Variants in RTN1 observed in about 807,000 individuals in gnomAD.
RTN1 encodes reticulon-1.
In RTN1, 25 loss-of-function variants were observed where a neutral mutation model predicts 65.5. The observed-to-expected ratio is 0.38, with a 90% CI of 0.28 to 0.53. The LOEUF (loss-of-function observed/expected upper bound fraction) is 0.53, where lower values mean the gene tolerates loss of function less well. RTN1 is among the 20% of genes least tolerant of loss of function. The probability of loss-of-function intolerance (pLI) is 0.79; values close to 1 mark genes in which losing one functional copy is unlikely to be tolerated. For missense variants in RTN1, 983 were observed against 1,025.4 expected (o/e 0.96, Z 0.57); for synonymous variants, 471 against 447.6 (o/e 1.05, Z -0.66).
chr14:59,709,992 C>G (rs1884381248), intron 3 of RTN1, among the ~76,000 whole-genome samples: 1 of 141,336 alleles, frequency 7.1e-6, no homozygotes, highest in African/African-American at 2.5e-5. Context: ...TCCCTTCCTT[C>G]CTTCCTTCGT....
chr14:59,766,433 T>C lies in RTN1; in HGVS notation c.242-19952A>G, dbSNP rs1186937002. Among the ~76,000 whole-genome samples, 1 of 152,146 alleles carries C rather than the reference T, an allele frequency of 6.6e-6. No individual in the cohort carries two copies. Among genetic ancestry groups the C allele is most frequent in the Non-Finnish European group, 1.5e-5 (1 of 68,026 alleles). The stretch of plus-strand genomic sequence containing the variant: ...TTTTATTATTTTTGCCCCAAACTCA[T>C]ATATATTGTTCAACGTATTATTTTC... On this transcript the variant is annotated intron_variant, in intron 1 of 8. Transcript: ENST00000267484. The surrounding 1 kb of genome is among the most constrained non-coding windows in gnomAD (Gnocchi z 4.4).
In RTN1 at chr14:59,825,455, T is replaced by C. The variant is rs8181956; in HGVS notation, c.241+44935A>G. On this transcript the variant is annotated intron_variant, in intron 1 of 8. Coordinates refer to ENST00000267484, the MANE Select transcript of RTN1 (RefSeq NM_021136.3). This position sits in a 1 kb window ranked among gnomAD's most constrained non-coding sequence, Gnocchi z 4.2. Reference sequence around the variant, plus strand: ...AGGGAAAGTTGCTATAAAATAGTTTTAAAAATAGTTACAATGTGTTTTCTG... The same window carrying C: ...AGGGAAAGTTGCTATAAAATAGTTTCAAAAATAGTTACAATGTGTTTTCTG... Among the ~76,000 whole-genome samples the C allele has an allele frequency of 6.6e-6, 1 of 152,238 alleles. No individual in the cohort carries two copies.
At chr14:59,760,998 C>T (rs1390981055) in intron 1 of RTN1, among the ~76,000 whole-genome samples, 1 of 152,194 alleles carries the variant, frequency 6.6e-6, no homozygotes, top group Non-Finnish European at 1.5e-5. Flanking sequence ...CCTTGACTTA[C>T]ATTTCCTATT....
rs1216815324 is a variant in RTN1 at position 59,836,424 on chromosome 14, C to T, written c.241+33966G>A. On this transcript the variant is annotated intron_variant, in intron 1 of 8. Coordinates refer to ENST00000267484, the MANE Select transcript of RTN1 (RefSeq NM_021136.3). This position sits in a 1 kb window ranked among gnomAD's most constrained non-coding sequence, Gnocchi z 4.9. ...TCAGGCACAGAGAGATTAAGGAACT[C>T]CCCACATCACACAACTAATTTTTCC... Among the ~76,000 whole-genome samples, 2 of 152,204 alleles carry T rather than the reference C, an allele frequency of 1.3e-5. No individual in the cohort carries two copies. Among genetic ancestry groups the T allele is most frequent in the Non-Finnish European group, 2.9e-5 (2 of 68,034 alleles).
At chr14:59,827,483 A>C (rs1183320310) in intron 1 of RTN1, among the ~76,000 whole-genome samples, 1 of 151,814 alleles carries the variant, frequency 6.6e-6, no homozygotes, top group Non-Finnish European at 1.5e-5. Context: ...AGATCATTTT[A>C]TTTTGCCCAC....
At chr14:59,658,649 T>A (rs78725354) in intron 3 of RTN1, among the ~76,000 whole-genome samples, 1,697 of 152,190 alleles carry the variant, frequency 0.011, 27 homozygotes, top group African/African-American at 0.038. Context: ...AGGGGCCTGT[T>A]AGAAGGGAAG....
chr14:59,828,710 C>A (rs1345600858), intron 1 of RTN1, among the ~76,000 whole-genome samples: 1 of 152,170 alleles, frequency 6.6e-6, no homozygotes, highest in Non-Finnish European at 1.5e-5. Flanking sequence ...GGAACATGCA[C>A]TGCTGACTTC....
chr14:59,714,818 G>A (rs114983717), intron 3 of RTN1, among the ~76,000 whole-genome samples: 443 of 152,314 alleles, frequency 2.9e-3, no homozygotes, highest in African/African-American at 0.01. Context: ...GTACTGGTCC[G>A]TGGTCTGTTA....
At chr14:59,674,127 C>T (rs1883570342) in intron 3 of RTN1, among the ~76,000 whole-genome samples, 1 of 152,138 alleles carries the variant, frequency 6.6e-6, no homozygotes, top group African/African-American at 2.4e-5. Context: ...TTTCAATGTC[C>T]CTGTTTTCTA....
chr14:59,762,011 G>T (rs528513996), intron 1 of RTN1, among the ~76,000 whole-genome samples: 2 of 152,198 alleles, frequency 1.3e-5, no homozygotes, highest in Non-Finnish European at 2.9e-5. Context: ...GTGTGATGTG[G>T]TATGTGGTGT....
At chr14:59,725,343 AATGGAGACAC>A (rs1220384004) in intron 3 of RTN1, among the ~76,000 whole-genome samples, 2 of 152,212 alleles carry the variant, frequency 1.3e-5, no homozygotes, top group Non-Finnish European at 2.9e-5. Flanking sequence ...TAGGGGATAA[AATGGAGACAC>A]ATGCCTGTTA....
intron 3 of RTN1, among the ~76,000 whole-genome samples, chr14:59,664,548 C>A (rs910520337): frequency 6.6e-6 from 1 of 152,014 alleles, no homozygotes; most frequent in African/African-American, 2.4e-5. Flanking sequence ...TTAATAGAGT[C>A]TTGAGAAATA....
At chr14:59,713,234 C>T (rs187674179) in intron 3 of RTN1, among the ~76,000 whole-genome samples, 7 of 152,222 alleles carry the variant, frequency 4.6e-5, no homozygotes, top group East Asian at 1.9e-4. Context: ...CAAAACGATA[C>T]GGTGTCTTGA....
At chr14:59,630,833 G>C in intron 3 of RTN1, 1 of 1,008,672 alleles carries the variant, frequency 9.9e-7, no homozygotes, top group South Asian at 4.7e-5. Flanking sequence ...AGGCGCTGAC[G>C]CGGACAGTGG....
chr14:59,719,983 A>G (rs141280224), intron 3 of RTN1, among the ~76,000 whole-genome samples: 180 of 152,302 alleles, frequency 1.2e-3, no homozygotes, highest in Non-Finnish European at 2.2e-3. Context: ...GGCAAGTTTA[A>G]GGTTGACTCG....
At chr14:59,780,901 G>C (rs1445909637) in intron 1 of RTN1, among the ~76,000 whole-genome samples, 1 of 152,160 alleles carries the variant, frequency 6.6e-6, no homozygotes, top group African/African-American at 2.4e-5. Flanking sequence ...GCCTGTCTGG[G>C]AAAGAGAGGA....
At chr14:59,811,447 A>G (rs1487826308) in intron 1 of RTN1, among the ~76,000 whole-genome samples, 14 of 152,224 alleles carry the variant, frequency 9.2e-5, no homozygotes, top group Non-Finnish European at 2.9e-5. Flanking sequence ...ATATAGATCT[A>G]TATCTACTGC....
intron 3 of RTN1, among the ~76,000 whole-genome samples, chr14:59,619,424 G>A (rs1173396911): frequency 6.6e-6 from 1 of 152,226 alleles, no homozygotes; most frequent in East Asian, 1.9e-4. Flanking sequence ...AAGCTTAGAA[G>A]TTAAATGACT....
chr14:59,822,744 C>T (rs767458406), intron 1 of RTN1, among the ~76,000 whole-genome samples: 1 of 151,896 alleles, frequency 6.6e-6, no homozygotes, highest in Non-Finnish European at 1.5e-5. Flanking sequence ...TAATTTTTGC[C>T]TTGATCTCAT....
Sources: gnomAD v4.1 joint callset for allele counts (sites outside exome capture counted in the v4.1 genomes callset) on GRCh38, gnomAD v4.1.1 for gene constraint, Gnocchi (gnomAD v3.1) non-coding constraint, MANE v1.5 for transcripts, NCBI Gene and HGNC (gene_info 2026-07-23, HGNC 2026-07-21) for gene names.